Variants in KATNIP observed in about 807,000 individuals in gnomAD.
The protein encoded by KATNIP is katanin-interacting protein.
A neutral mutation model predicts 174.0 loss-of-function variants in KATNIP; 126 were observed. That is an observed-to-expected ratio of 0.72 (90% CI 0.63 to 0.84). The LOEUF is 0.84. Among genes scored for constraint, KATNIP ranks in the 40% least tolerant of loss-of-function variants. KATNIP has a pLI of 0.00. For synonymous variants in KATNIP, 810 were observed against 835.7 expected (o/e 0.97, Z 0.53); for missense variants, 1,958 against 2,109.7 (o/e 0.93, Z 1.41).
chr16:27,667,883 T>C (rs930517179), intron 6 of KATNIP, among the ~76,000 whole-genome samples: 1 of 152,132 alleles, frequency 6.6e-6, no homozygotes, highest in Non-Finnish European at 1.5e-5. Flanking sequence ...CATTTTCCCA[T>C]AGCAAAGGTG....
At chr16:27,621,927 G>A (rs963450367) in intron 3 of KATNIP, among the ~76,000 whole-genome samples, 8 of 151,858 alleles carry the variant, frequency 5.3e-5, no homozygotes, top group Non-Finnish European at 8.8e-5. Context: ...GTCCTACCTC[G>A]ACACTAGGGA....
chr16:27,636,697 G>T (rs2076646685), intron 5 of KATNIP, among the ~76,000 whole-genome samples: 1 of 152,096 alleles, frequency 6.6e-6, no homozygotes, highest in Admixed American at 6.6e-5. Flanking sequence ...TGAGCTGTGT[G>T]TCTCGGAGCT....
chr16:27,758,477 T>C (rs1209877007), intron 18 of KATNIP, among the ~76,000 whole-genome samples: 3 of 152,146 alleles, frequency 2.0e-5, no homozygotes. Flanking sequence ...TGATGGGAGC[T>C]TTATAAGATG....
chr16:27,708,779 C>A lies in KATNIP; in HGVS notation c.1464C>A (p.Gly488=). 6.2e-7 allele frequency: 1 copy of A among 1,613,826 alleles called. No homozygotes were observed. The highest frequency in any genetic ancestry group is 8.5e-7 in the Non-Finnish European group (1 of 1,179,986). The change falls in exon 13 of 28, where the codon GGC becomes GGA. Residue 488 remains glycine (G), a synonymous_variant. Transcript: ENST00000261588. Reference sequence around the variant, plus strand: ...CCATGGAGATCCTGTCCAACTGGGGCAACTCGTGGTGGGTGGGTCTCACAG... The same window carrying A: ...CCATGGAGATCCTGTCCAACTGGGGAAACTCGTGGTGGGTGGGTCTCACAG... The part of the protein sequence containing the change: ...YVTMEILSNW[G]NSWWVGLTEV...
intron 14 of KATNIP, 120 bp downstream of exon 14, chr16:27,721,815 G>A: frequency 1.8e-6 from 2 of 1,123,400 alleles, no homozygotes; most frequent in South Asian, 1.5e-5. Context: ...CTGGCCTCGT[G>A]TGTGCAGCAA....
intron 17 of KATNIP, among the ~76,000 whole-genome samples, chr16:27,752,292 A>T (rs2081551968): frequency 6.6e-6 from 1 of 152,168 alleles, no homozygotes; most frequent in African/African-American, 2.4e-5. Context: ...TGCTTTTCAT[A>T]GGCAGAGTTA....
Position 27,776,859 on chromosome 16 carries a change from C to A in KATNIP, c.4450-69C>A. ...ACCGCTCACCCCAGCCCACGCCTGG[C>A]ACCCCCAGCCCAGCCAAGCGCCTCT... On this transcript the variant is annotated intron_variant, in intron 24 of 27. Coordinates refer to ENST00000261588, the MANE Select transcript of KATNIP (RefSeq NM_015202.5). The surrounding 1 kb of genome is among the most constrained non-coding windows in gnomAD (Gnocchi z 4.7). 8.6e-7 allele frequency: 1 copy of A among 1,163,944 alleles called. No homozygotes were observed. Among genetic ancestry groups the A allele is most frequent in the Non-Finnish European group, 1.3e-6 (1 of 775,758 alleles). 72.1% of individuals were successfully genotyped at this position (1,163,944 alleles called of 1,614,324 possible).
chr16:27,658,005 G>C (rs2077354272), intron 6 of KATNIP, among the ~76,000 whole-genome samples: 1 of 152,122 alleles, frequency 6.6e-6, no homozygotes, highest in South Asian at 2.1e-4. Flanking sequence ...ATTACCATTG[G>C]GGGAAACTGG....
At chr16:27,601,254 G>A (rs1402092995) in intron 2 of KATNIP, among the ~76,000 whole-genome samples, 17 of 152,152 alleles carry the variant, frequency 1.1e-4, no homozygotes, top group South Asian at 4.1e-4. Context: ...CCCTGCTCTC[G>A]TGGGTCTGGC....
At chr16:27,662,574 A>G (rs1387388893) in intron 6 of KATNIP, among the ~76,000 whole-genome samples, 1 of 152,170 alleles carries the variant, frequency 6.6e-6, no homozygotes, top group Non-Finnish European at 1.5e-5. Context: ...ATGATGCTGA[A>G]CAAGCACTAA....
At chr16:27,632,457 C>T in intron 5 of KATNIP, 1 of 373,334 alleles carries the variant, frequency 2.7e-6, no homozygotes, top group South Asian at 1.9e-5. Flanking sequence ...GAGCTTCATG[C>T]CTCTCCATGG....
chr16:27,564,063 GGAAAAAA>G (rs1385424775), intron 1 of KATNIP, among the ~76,000 whole-genome samples: 3 of 151,930 alleles, frequency 2.0e-5, no homozygotes, highest in African/African-American at 4.8e-5. Context: ...GACCCTGTCT[GGAAAAAA>G]GAAAAAAGAA....
At chr16:27,688,104 T>C (rs1036866114) in intron 8 of KATNIP, among the ~76,000 whole-genome samples, 1 of 152,154 alleles carries the variant, frequency 6.6e-6, no homozygotes, top group African/African-American at 2.4e-5. Flanking sequence ...TTCTCAAACT[T>C]GGACATGCAT....
At chr16:27,594,084 G>A (rs891609381) in intron 2 of KATNIP, among the ~76,000 whole-genome samples, 4 of 150,662 alleles carry the variant, frequency 2.7e-5, no homozygotes, top group Admixed American at 6.6e-5. Context: ...GCAAGGCCTC[G>A]TCTGTACAAA....
At chr16:27,598,318 T>G (rs1350868717) in intron 2 of KATNIP, among the ~76,000 whole-genome samples, 1 of 150,944 alleles carries the variant, frequency 6.6e-6, no homozygotes, top group East Asian at 2.0e-4. Context: ...CCCAATCCCC[T>G]CCTTCCCTCT....
chr16:27,767,139 A>G (rs536855377), intron 20 of KATNIP, among the ~76,000 whole-genome samples: 16 of 152,158 alleles, frequency 1.1e-4, no homozygotes, highest in African/African-American at 3.6e-4. Flanking sequence ...AAAAGTGACA[A>G]TGAGGCCACC....
intron 5 of KATNIP, 102 bp downstream of exon 5, chr16:27,631,264 C>A: frequency 1.2e-6 from 1 of 865,344 alleles, no homozygotes; most frequent in Non-Finnish European, 1.8e-6. Context: ...ATGGGCCAGG[C>A]ACAGTGGCTC....
At chr16:27,716,725 G>T (rs916271049) in intron 13 of KATNIP, among the ~76,000 whole-genome samples, 1 of 152,104 alleles carries the variant, frequency 6.6e-6, no homozygotes, top group Admixed American at 6.5e-5. Context: ...GTTCCCTTGG[G>T]CTCCTCTTGT....
chr16:27,552,780 C>T (rs1432725385), intron 1 of KATNIP, among the ~76,000 whole-genome samples: 7 of 147,466 alleles, frequency 4.7e-5, no homozygotes, highest in Non-Finnish European at 9.0e-5. Context: ...CCGCAACCTC[C>T]GCCTCCCGGG....
Sources: gnomAD v4.1 joint callset for allele counts (sites outside exome capture counted in the v4.1 genomes callset) on GRCh38, gnomAD v4.1.1 for gene constraint, Gnocchi (gnomAD v3.1) non-coding constraint, MANE v1.5 for transcripts, NCBI Gene and HGNC (gene_info 2026-07-23, HGNC 2026-07-21) for gene names.